Variants in GHR observed in about 807,000 individuals in gnomAD.
The protein encoded by GHR is growth hormone receptor.
GHR carries 35 observed loss-of-function variants against 67.1 expected under a neutral mutation model. The ratio of observed to expected loss-of-function variants is 0.52; its 90% confidence interval spans 0.40 to 0.69. The LOEUF (loss-of-function observed/expected upper bound fraction) is 0.69. Among genes scored for constraint, GHR ranks in the 30% least tolerant of loss-of-function variants. The pLI, the probability that GHR is intolerant of heterozygous loss-of-function variation, is 0.00. For missense variants in GHR, 792 were observed against 764.6 expected (o/e 1.04, Z -0.42); for synonymous variants, 272 against 269.1 (o/e 1.01, Z -0.10).
At chr5:42,650,732 G>T (rs1469744998) in intron 3 of GHR, among the ~76,000 whole-genome samples, 1 of 151,964 alleles carries the variant, frequency 6.6e-6, no homozygotes, top group Non-Finnish European at 1.5e-5. Context: ...TATAGCAAAT[G>T]AAAGTCTTTG....
At chr5:42,485,352 C>A (rs1745829891) in intron 1 of GHR, among the ~76,000 whole-genome samples, 1 of 152,186 alleles carries the variant, frequency 6.6e-6, no homozygotes, top group Non-Finnish European at 1.5e-5. Context: ...GAATTAATTG[C>A]TAATTCCTCA....
At position 42,518,702 on chromosome 5, in the gene GHR, C is replaced by T. The variant is rs369746244; in HGVS notation, c.-11-47162C>T. Among the ~76,000 whole-genome samples the T allele has an allele frequency of 1.9e-4, 29 of 152,272 alleles. 1 individual carries two copies. The South Asian group carries it at 5.8e-3, about 30-fold the overall frequency. On this transcript the variant is annotated intron_variant, in intron 1 of 9. Coordinates refer to ENST00000230882, the MANE Select transcript of GHR (RefSeq NM_000163.5). The stretch of plus-strand genomic sequence containing the variant: ...TTCTGATTTCTGCCATGAGCGCACT[C>T]GGCCTAGATGAATAAATCCTCCTTG...
chr5:42,659,002 G>T (rs1755411599), intron 3 of GHR, among the ~76,000 whole-genome samples: 1 of 152,098 alleles, frequency 6.6e-6, no homozygotes, highest in African/African-American at 2.4e-5. Context: ...CTAAGGCATT[G>T]CAATATATAA....
chr5:42,534,170 GTATA>G (rs1330959922), intron 1 of GHR, among the ~76,000 whole-genome samples: 1 of 95,230 alleles, frequency 1.1e-5, no homozygotes, highest in Admixed American at 9.4e-5. Context: ...ATGTACATAT[GTATA>G]TATGTATGTA....
intron 3 of GHR, among the ~76,000 whole-genome samples, chr5:42,632,803 A>C (rs1339738731): frequency 6.6e-6 from 1 of 152,258 alleles, no homozygotes; most frequent in Non-Finnish European, 1.5e-5. Context: ...GGGAGTTTAC[A>C]GTTTAAAGAG....
Position 42,424,505 on chromosome 5 carries a change from G to C in GHR, c.-12+550G>C. 2.5e-6 allele frequency: 3 copies of C among 1,201,280 alleles called. No homozygotes were observed. The highest frequency in any genetic ancestry group is 2.6e-5 in the South Asian group (2 of 77,436). The allele number at this position is 1,201,280 out of a possible 1,614,324, so 74.4% of individuals were successfully genotyped here. ...CGTGGACACAGCGCGCAGAGCGCGC[G>C]GTCTTTTGCGCGTTTGTGCGGGCCG... On this transcript the variant is annotated intron_variant, in intron 1 of 9. Coordinates refer to ENST00000230882, the MANE Select transcript of GHR (RefSeq NM_000163.5). The surrounding 1 kb of genome is among the most constrained non-coding windows in gnomAD (Gnocchi z 4.1).
At chr5:42,563,167 G>A (rs1389607507) in intron 1 of GHR, among the ~76,000 whole-genome samples, 1 of 152,206 alleles carries the variant, frequency 6.6e-6, no homozygotes, top group African/African-American at 2.4e-5. Context: ...CAGATGGGAA[G>A]CAGAAAAGGC....
At chr5:42,538,485 G>A (rs11743706) in intron 1 of GHR, among the ~76,000 whole-genome samples, 47,454 of 151,994 alleles carry the variant, frequency 0.31, 8,852 homozygotes, top group African/African-American at 0.51. Flanking sequence ...TTTTGTTTGA[G>A]GAGGCTGAAG....
chr5:42,680,513 T>A (rs189412526), intron 3 of GHR, among the ~76,000 whole-genome samples: 1 of 147,822 alleles, frequency 6.8e-6, no homozygotes, highest in Admixed American at 6.8e-5. Context: ...TGCAAAACAC[T>A]TTTTTTTTTA....
At chr5:42,660,988 A>C (rs1755578892) in intron 3 of GHR, among the ~76,000 whole-genome samples, 1 of 152,368 alleles carries the variant, frequency 6.6e-6, no homozygotes, top group South Asian at 2.1e-4. Flanking sequence ...CGATGCGATC[A>C]GCTGGTAGAA....
chr5:42,470,207 CAT>C (rs960809183), intron 1 of GHR, among the ~76,000 whole-genome samples: 8 of 145,940 alleles, frequency 5.5e-5, no homozygotes, highest in African/African-American at 1.2e-4. Context: ...ATATCTATAA[CAT>C]AATATATTAT....
At chr5:42,431,013 A>G (rs1743069958) in intron 1 of GHR, among the ~76,000 whole-genome samples, 1 of 152,134 alleles carries the variant, frequency 6.6e-6, no homozygotes, top group Non-Finnish European at 1.5e-5. Flanking sequence ...CCTGGGCTTC[A>G]TATTTCTTGT....
At chr5:42,641,572 G>A (rs1431848990) in intron 3 of GHR, among the ~76,000 whole-genome samples, 2 of 152,044 alleles carry the variant, frequency 1.3e-5, no homozygotes, top group African/African-American at 4.8e-5. Flanking sequence ...GGTGCCTAAG[G>A]GAGGGAAGGG....
At chr5:42,451,220 A>G (rs1286240511) in intron 1 of GHR, among the ~76,000 whole-genome samples, 4 of 152,140 alleles carry the variant, frequency 2.6e-5, no homozygotes, top group African/African-American at 7.2e-5. Context: ...AGTGTTGTCA[A>G]TGGAGTACTG....
At chr5:42,572,006 C>G (rs761057150) in intron 2 of GHR, among the ~76,000 whole-genome samples, 6 of 152,218 alleles carry the variant, frequency 3.9e-5, no homozygotes, top group Admixed American at 1.3e-4. Context: ...TACCTGAGAT[C>G]ATTCCCTACA....
At position 42,628,964 on chromosome 5, in the gene GHR, T is replaced by C. The variant is rs1403317090; in HGVS notation, c.71-74T>C. On this transcript the variant is annotated intron_variant, in intron 2 of 9. Transcript: ENST00000230882. ...TGGTTTGGGAAGCTGAGGATTTTGT[T>C]TTTAGTTTACACAGGGTCATATCAG... 6.0e-5 allele frequency: 54 copies of C among 896,382 alleles called. 6 individuals are homozygous for C. The Admixed American group carries it at 9.9e-4, about 16-fold the overall frequency. 55.5% of individuals were successfully genotyped at this position (896,382 alleles called of 1,614,324 possible).
chr5:42,535,896 G>C (rs1748233961), intron 1 of GHR, among the ~76,000 whole-genome samples: 1 of 151,990 alleles, frequency 6.6e-6, no homozygotes. Context: ...ATATTCCTAA[G>C]TATTTTATTT....
chr5:42,472,425 C>A (rs952924289), intron 1 of GHR, among the ~76,000 whole-genome samples: 1 of 152,170 alleles, frequency 6.6e-6, no homozygotes, highest in Non-Finnish European at 1.5e-5. Context: ...GACCACATCT[C>A]AGTTAATGGC....
chr5:42,483,065 A>G (rs1168640382), intron 1 of GHR, among the ~76,000 whole-genome samples: 1 of 152,116 alleles, frequency 6.6e-6, no homozygotes, highest in Non-Finnish European at 1.5e-5. Context: ...TGGCATTCAC[A>G]CTTACTCTCT....
Sources: allele counts gnomAD v4.1 joint callset (sites outside exome capture counted in the v4.1 genomes callset), GRCh38; gene constraint gnomAD v4.1.1; non-coding constraint Gnocchi (gnomAD v3.1); transcripts MANE v1.5; gene names NCBI Gene and HGNC (gene_info 2026-07-23, HGNC 2026-07-21).